MISP: variants seen among roughly 807,000 people sequenced by gnomAD.
MISP encodes the protein mitotic interactor and substrate of PLK1.
MISP carries 51 observed loss-of-function variants against 49.3 expected under a neutral mutation model. That is an observed-to-expected ratio of 1.03 (90% CI 0.83 to 1.31). The LOEUF (loss-of-function observed/expected upper bound fraction) is 1.31. Among genes scored for constraint, MISP ranks in the 50% most tolerant of loss-of-function variants. The pLI is 0.00. For synonymous variants in MISP, 444 were observed against 392.6 expected (o/e 1.13, Z -1.55); for missense variants, 1,084 against 935.1 (o/e 1.16, Z -2.08).
At chr19:754,503 C>T (rs901665054) in intron 1 of MISP, among the ~76,000 whole-genome samples, 5 of 152,208 alleles carry the variant, frequency 3.3e-5, no homozygotes, top group South Asian at 4.2e-4. Context: ...GGCGGGTGCC[C>T]GTAGTCCCAG....
Position 753,224 on chromosome 19 carries a change from A to AATGTT in MISP, c.-58+2054_-58+2058dup, listed in dbSNP as rs1392769680. ...TATTCACCAATGCCGCCTGGTTTTC[A>AATGTT]ATGTTTCCCCTATTTTAGTTTCTGA... On this transcript the variant is annotated intron_variant, in intron 1 of 4. Transcript: ENST00000215582. 5.9e-5 allele frequency among the ~76,000 whole-genome samples: 9 copies of AATGTT among 152,054 alleles called. No homozygotes were observed. The East Asian group carries it at 1.5e-3, about 26-fold the overall frequency.
At position 758,513 on chromosome 19, in the gene MISP, C is replaced by T. The variant is rs1366745231; in HGVS notation, c.1567C>T (p.Pro523Ser). Residue 523 changes from proline (P) to serine (S), a missense_variant, in exon 2 of 5, where the codon CCC (proline) becomes TCC (serine). By Grantham distance (74) the Pro-to-Ser change is moderately conservative (BLOSUM62 -1). Transcript: ENST00000215582. ...AGACGAGCCCCAGCAGGCCCAAGTC[C>T]CCCATGTCTGGGGCTGGGAGGTGGC... ...APDEPQQAQV[P>S]HVWGWEVAGA... The T allele has an allele frequency of 1.9e-6, 3 of 1,614,102 alleles. No homozygotes were observed. The highest frequency in any genetic ancestry group is 2.2e-5 in the East Asian group (1 of 44,890).
chr19:759,493 G>T (rs1014621113), intron 2 of MISP, among the ~76,000 whole-genome samples: 1 of 150,092 alleles, frequency 6.7e-6, no homozygotes, highest in East Asian at 2.0e-4. Context: ...TCCGCCTCCC[G>T]GGTTCACGCC....
rs751448190 is a variant in MISP, at chr19:757,967, C to G, written c.1021C>G (p.Arg341Gly). 13 of 1,586,474 alleles carry G rather than the reference C, an allele frequency of 8.2e-6. No individual in the cohort carries two copies. The highest frequency in any genetic ancestry group is 1.0e-5 in the Non-Finnish European group (12 of 1,171,198). ...CAAGCTGAGCCTGATCACAGCCCCA[C>G]GGCGGGAGAGAGGGCGCCCGTCCCT... ...LTKLSLITAP[R>G]RERGRPSLYV... is the part of the protein sequence containing the mutation. The change falls in exon 2 of 5, where the codon CGG becomes GGG. Residue 341 changes from arginine (R) to glycine (G), a missense_variant. Physicochemically the swap from Arg to Gly is moderately radical, Grantham distance 125. Coordinates refer to ENST00000215582, the MANE Select transcript of MISP (RefSeq NM_173481.4).
At chr19:759,161 T>A (rs1424912344) in intron 2 of MISP, among the ~76,000 whole-genome samples, 1 of 147,850 alleles carries the variant, frequency 6.8e-6, no homozygotes, top group Non-Finnish European at 1.5e-5. Flanking sequence ...GTAGCTGGGA[T>A]TACAGGTGCC....
intron 1 of MISP, among the ~76,000 whole-genome samples, chr19:753,995 T>C (rs1430392743): frequency 6.6e-6 from 1 of 152,142 alleles, no homozygotes; most frequent in Non-Finnish European, 1.5e-5. Flanking sequence ...CCCTGTGTCT[T>C]CAGGTGAGGC....
chr19:750,477 G>A (rs1309122588), upstream of MISP, among the ~76,000 whole-genome samples: 5 of 152,166 alleles, frequency 3.3e-5, no homozygotes, highest in Non-Finnish European at 5.9e-5. Context: ...TGGGATTACA[G>A]GTGTGAGCCA....
chr19:758,631 C>T lies in MISP; in HGVS notation c.1685C>T (p.Ala562Val), dbSNP rs1205593255. ...GTCCTGCGCCGGGAGCAAGAGGTGG[C>T]AGAGGAGCGGAGAAATGCTCTCTTC... Reference protein sequence around the residue: ...ESVLRREQEVAEERRNALFPE... With the variant: ...ESVLRREQEVVEERRNALFPE... The change falls in exon 2 of 5, where the codon GCA (alanine) becomes GTA (valine). Residue 562 changes from alanine to valine, a missense_variant. By Grantham distance (64) the Ala-to-Val change is moderately conservative. Transcript: ENST00000215582. 2 of 1,614,222 alleles carry T rather than the reference C, an allele frequency of 1.2e-6. No homozygotes were observed. Among genetic ancestry groups the T allele is most frequent in the South Asian group, 1.1e-5 (1 of 91,092 alleles).
At chr19:754,784 C>T (rs1358049280) in intron 1 of MISP, among the ~76,000 whole-genome samples, 2 of 152,062 alleles carry the variant, frequency 1.3e-5, no homozygotes, top group African/African-American at 2.4e-5. Context: ...CAGAAACAGG[C>T]AGCCTCGAGA....
chr19:753,234 CT>C (rs2033487320), intron 1 of MISP, among the ~76,000 whole-genome samples: 1 of 152,108 alleles, frequency 6.6e-6, no homozygotes, highest in African/African-American at 2.4e-5. Context: ...AATGTTTCCC[CT>C]ATTTTAGTTT....
At chr19:750,188 CTTTTTTTTTT>C (rs71174321), upstream of MISP, among the ~76,000 whole-genome samples, 1 of 112,642 alleles carries the variant, frequency 8.9e-6, no homozygotes, top group Non-Finnish European at 1.7e-5. Context: ...TCGTGCGGTT[CTTTTTTTTTT>C]TTTTTTTTTT....
chr19:755,515 G>A (rs527528244), intron 1 of MISP, among the ~76,000 whole-genome samples: 1 of 152,264 alleles, frequency 6.6e-6, no homozygotes, highest in South Asian at 2.1e-4. Flanking sequence ...CCTTAGCAAG[G>A]GGCCATCTGT....
intron 3 of MISP, 47 bp from the exon 4 acceptor site, chr19:761,578 C>A: frequency 6.2e-7 from 1 of 1,609,858 alleles, no homozygotes; most frequent in South Asian, 1.1e-5. Context: ...GACTCTGCAC[C>A]GGGCAGGGCA....
chr19:748,462 C>CGCTCACCTGCTGG (rs986029598), upstream of MISP: 2 of 152,362 alleles, frequency 1.3e-5, no homozygotes, highest in African/African-American at 4.8e-5. Context: ...TGCCTGCACC[C>CGCTCACCTGCTGG]GCTCACCCTG....
rs1248932743 is a variant in MISP at position 757,462 on chromosome 19, C to T, written c.516C>T (p.Thr172=). The part of the protein sequence containing the change: ...QGTPDHGDPR[T]PGPPRSTPLE... ...CTCCTGACCACGGAGACCCCAGGAC[C>T]CCCGGCCCACCTCGGTCCACGCCCC... is the stretch of plus-strand genomic sequence containing the variant. Residue 172 remains threonine, a synonymous_variant, in exon 2 of 5, where the codon ACC becomes ACT. Coordinates refer to ENST00000215582, the MANE Select transcript of MISP (RefSeq NM_173481.4). The T allele has an allele frequency of 2.5e-6, 4 of 1,593,174 alleles. No individual in the cohort carries two copies. The highest frequency in any genetic ancestry group is 3.4e-6 in the Non-Finnish European group (4 of 1,170,740).
intron 1 of MISP, among the ~76,000 whole-genome samples, chr19:751,385 A>C (rs1294233014): frequency 6.6e-6 from 1 of 152,212 alleles, no homozygotes; most frequent in East Asian, 1.9e-4. Context: ...CTGGGGCCTC[A>C]AGGGCACCCA....
chr19:750,759 C>A (rs900896453), upstream of MISP, among the ~76,000 whole-genome samples: 4 of 152,180 alleles, frequency 2.6e-5, no homozygotes, highest in African/African-American at 7.2e-5. Context: ...TCAGCCCCTC[C>A]GGCCCCCCAG....
intron 1 of MISP, among the ~76,000 whole-genome samples, chr19:754,329 TG>T (rs1374587952): frequency 6.6e-6 from 1 of 152,086 alleles, no homozygotes; most frequent in Admixed American, 6.5e-5. Flanking sequence ...CCAGGCGTGG[TG>T]GCGGGCGCCC....
chr19:762,284 G>C lies in MISP; in HGVS notation c.1950+621G>C, dbSNP rs28707562. Among the ~76,000 whole-genome samples the C allele has an allele frequency of 6.7e-3, 1,008 of 150,962 alleles. 7 individuals are homozygous for C. The highest frequency in any genetic ancestry group is 0.031 in the Middle Eastern group (9 of 290). Reference sequence around the variant, plus strand: ...TGTTTTTTTGGGAGGATGGAGTCTCGCTCTGTTGCCCAGGCTGGAGTGGAG... The same window carrying C: ...TGTTTTTTTGGGAGGATGGAGTCTCCCTCTGTTGCCCAGGCTGGAGTGGAG... On this transcript the variant is annotated intron_variant, in intron 4 of 4. Transcript: ENST00000215582.
Sources: allele counts gnomAD v4.1 joint callset (sites outside exome capture counted in the v4.1 genomes callset), GRCh38; gene constraint gnomAD v4.1.1; transcripts MANE v1.5; gene names NCBI Gene and HGNC (gene_info 2026-07-23, HGNC 2026-07-21).